Variants in LRRC56 observed in about 807,000 individuals in gnomAD.
LRRC56 encodes the protein leucine-rich repeat-containing protein 56.
In LRRC56, 41 loss-of-function variants were observed where a neutral mutation model predicts 47.8. The ratio of observed to expected loss-of-function variants is 0.86; its 90% confidence interval spans 0.67 to 1.11. The LOEUF (loss-of-function observed/expected upper bound fraction) is 1.11, where lower values mean the gene tolerates loss of function less well. Ranked by LOEUF, LRRC56 falls within the 50% of genes most tolerant of loss-of-function variation. The probability of loss-of-function intolerance (pLI) is 0.00; values close to 1 mark genes in which losing one functional copy is unlikely to be tolerated. For missense variants in LRRC56, 759 were observed against 704.2 expected (o/e 1.08, Z -0.88); for synonymous variants, 387 against 311.2 (o/e 1.24, Z -2.56).
At chr11:514,073 C>G in the LRRC56 span, among the ~76,000 whole-genome samples, 1 of 152,170 alleles carries the variant, frequency 6.6e-6, no homozygotes, top group East Asian at 1.9e-4. Context: ...CTCACTGCAA[C>G]CTCCGCCTCC....
Position 554,162 on chromosome 11 carries a change from C to T in LRRC56, c.1515C>T (p.Ala505=). Residue 505 remains alanine (A), a synonymous_variant, in exon 14 of 14, where the codon GCC becomes GCT. Transcript: ENST00000270115. ...AVPVLRALEV[A]SRLSPRAQGC... Reference sequence around the variant, plus strand: ...CTGTCCTGAGAGCCCTGGAGGTGGCCTCACGCCTGAGCCCTCGAGCCCAGG... The same window carrying T: ...CTGTCCTGAGAGCCCTGGAGGTGGCTTCACGCCTGAGCCCTCGAGCCCAGG... 6 of 1,595,186 alleles carry T rather than the reference C, an allele frequency of 3.8e-6. No individual in the cohort carries two copies. The highest frequency in any genetic ancestry group is 4.3e-6 in the Non-Finnish European group (5 of 1,172,398).
the LRRC56 span, among the ~76,000 whole-genome samples, chr11:510,012 C>A: frequency 3.9e-5 from 6 of 151,988 alleles, no homozygotes; most frequent in Non-Finnish European, 8.8e-5. Flanking sequence ...CTGGCCGACT[C>A]GAGTGTGCCT....
chr11:519,036 G>C, the LRRC56 span, among the ~76,000 whole-genome samples: 1 of 152,242 alleles, frequency 6.6e-6, no homozygotes, highest in Non-Finnish European at 1.5e-5. Context: ...CGAAAGCCGC[G>C]AGGGCAGCTC....
chr11:519,217 C>A, the LRRC56 span, among the ~76,000 whole-genome samples: 1 of 152,254 alleles, frequency 6.6e-6, no homozygotes, highest in Admixed American at 6.5e-5. Context: ...CCTTAGATCT[C>A]CGTGTTTCTT....
At chr11:523,218 A>G in the LRRC56 span, among the ~76,000 whole-genome samples, 33,431 of 151,868 alleles carry the variant, frequency 0.22, 4,108 homozygotes, top group African/African-American at 0.33. Flanking sequence ...TAGTAGAGGC[A>G]GAGTTTCACC....
upstream of LRRC56, chr11:536,873 G>C (rs1475902364): frequency 1.3e-5 from 2 of 152,246 alleles, no homozygotes; most frequent in African/African-American, 2.4e-5. Flanking sequence ...ACCCACGTGC[G>C]GTCCCGGGGG....
the LRRC56 span, among the ~76,000 whole-genome samples, chr11:523,008 T>C: frequency 3.9e-5 from 6 of 152,108 alleles, no homozygotes; most frequent in Non-Finnish European, 5.9e-5. Context: ...CTATTACTGT[T>C]GTAAAACAAC....
chr11:514,424 C>T, the LRRC56 span, among the ~76,000 whole-genome samples: 3 of 151,704 alleles, frequency 2.0e-5, no homozygotes, highest in African/African-American at 7.3e-5. Flanking sequence ...GTAGCTGGGA[C>T]CACAGGTGCA....
upstream of LRRC56, among the ~76,000 whole-genome samples, chr11:532,956 G>A (rs372910384): frequency 4.6e-5 from 7 of 152,334 alleles, no homozygotes; most frequent in African/African-American, 1.7e-4. Context: ...TGCTACAGCA[G>A]CCCCTCAAAG....
At chr11:535,170 G>A (rs1305665710), upstream of LRRC56, 1 of 152,072 alleles carries the variant, frequency 6.6e-6, no homozygotes, top group East Asian at 1.9e-4. Flanking sequence ...ACCGTGCCCA[G>A]CGCGAGGCCA....
At position 552,554 on chromosome 11, in the gene LRRC56, C is replaced by T. The variant is rs368512134; in HGVS notation, c.1182-15C>T. The T allele has an allele frequency of 9.4e-6, 15 of 1,590,052 alleles. No homozygotes were observed. The African/African-American group carries it at 1.6e-4, about 17-fold the overall frequency. Reference sequence around the variant, plus strand: ...GGGATCAGGGCTGGAGCTTCTCCTCCTCTCCCCACCCTAGCCCCCTCCCCT... The same window carrying T: ...GGGATCAGGGCTGGAGCTTCTCCTCTTCTCCCCACCCTAGCCCCCTCCCCT... On this transcript the variant is annotated splice_polypyrimidine_tract_variant and intron_variant, in intron 12 of 13. Coordinates refer to ENST00000270115, the MANE Select transcript of LRRC56 (RefSeq NM_198075.4).
At chr11:528,542 C>T in the LRRC56 span, 1 of 152,188 alleles carries the variant, frequency 6.6e-6, no homozygotes, top group Non-Finnish European at 1.5e-5. Context: ...CAGCCCTTTA[C>T]AGAAGACCTG....
At chr11:542,847 C>T (rs1263840446) in intron 5 of LRRC56, among the ~76,000 whole-genome samples, 1 of 152,126 alleles carries the variant, frequency 6.6e-6, no homozygotes, top group Non-Finnish European at 1.5e-5. Flanking sequence ...CTGTACATGA[C>T]TCTTAGCCAT....
Position 554,421 on chromosome 11 carries a change from T to C in LRRC56, c.*145T>C. 1.5e-6 allele frequency: 1 copy of C among 661,692 alleles called. No homozygotes were observed. Among genetic ancestry groups the C allele is most frequent in the Non-Finnish European group, 2.2e-6 (1 of 447,968 alleles). 41.0% of individuals were successfully genotyped at this position (661,692 alleles called of 1,614,324 possible). A position where few individuals can be genotyped will look rare whatever the true frequency, so the allele number is the denominator to read the frequency against. ...GGAGGACCCTCTTGGTGGAGGGGAG[T>C]GGGGGACTGGGACCAGCCAGGGAGG... is the stretch of plus-strand genomic sequence containing the variant. On this transcript the variant is annotated 3_prime_UTR_variant, in exon 14 of 14. Transcript: ENST00000270115.
chr11:548,406 G>A (rs1404201939), intron 6 of LRRC56, among the ~76,000 whole-genome samples: 2 of 151,940 alleles, frequency 1.3e-5, no homozygotes, highest in African/African-American at 4.8e-5. Context: ...TCAGCCTCCT[G>A]AAGTGCCAGG....
At position 552,769 on chromosome 11, in the gene LRRC56, C is replaced by T. The variant is rs554714015; in HGVS notation, c.1315+67C>T. Reference sequence around the variant, plus strand: ...CCAACACCCCACTTCTATAGGGGGGCCCTTACCCCAGATCAGATGTGTCAA... The same window carrying T: ...CCAACACCCCACTTCTATAGGGGGGTCCTTACCCCAGATCAGATGTGTCAA... On this transcript the variant is annotated intron_variant, in intron 13 of 13. Coordinates refer to ENST00000270115, the MANE Select transcript of LRRC56 (RefSeq NM_198075.4). The T allele has an allele frequency of 4.3e-6, 6 of 1,399,754 alleles. No individual in the cohort carries two copies. The Admixed American group carries it at 6.4e-5, about 15-fold the overall frequency. The allele number at this position is 1,399,754 out of a possible 1,614,324, so 86.7% of individuals were successfully genotyped here.
intron 3 of LRRC56, 50 bp from the exon 4 acceptor site, chr11:540,624 G>GAGGAGGAGGAGCA (rs930143222): frequency 1.3e-6 from 2 of 1,528,244 alleles, no homozygotes; most frequent in Non-Finnish European, 1.8e-6. Flanking sequence ...CCGGGCTGCA[G>GAGGAGGAGGAGCA]AGGAGGAGGA....
chr11:528,203 G>A, the LRRC56 span, among the ~76,000 whole-genome samples: 1 of 152,226 alleles, frequency 6.6e-6, no homozygotes, highest in African/African-American at 2.4e-5. Context: ...TGGCCTTGTG[G>A]GATCGCTGTG....
At chr11:535,625 T>C (rs553933686), upstream of LRRC56, 2 of 151,442 alleles carry the variant, frequency 1.3e-5, no homozygotes, top group African/African-American at 4.8e-5. Flanking sequence ...CGGCCTACCA[T>C]TGGCTGCGCG....
Sources: allele counts gnomAD v4.1 joint callset (sites outside exome capture counted in the v4.1 genomes callset), GRCh38; gene constraint gnomAD v4.1.1; transcripts MANE v1.5; gene names NCBI Gene and HGNC (gene_info 2026-07-23, HGNC 2026-07-21).